SPINK4: variants seen among roughly 807,000 people sequenced by gnomAD.
The protein encoded by SPINK4 is serine protease inhibitor Kazal-type 4.
SPINK4 carries 10 observed loss-of-function variants against 12.3 expected under a neutral mutation model. The ratio of observed to expected loss-of-function variants is 0.81; its 90% CI spans 0.50 to 1.37. The LOEUF (loss-of-function observed/expected upper bound fraction) is 1.37, where lower values mean the gene tolerates loss of function less well. Among genes scored for constraint, SPINK4 ranks in the 40% most tolerant of loss-of-function variants. The pLI is 0.00. For synonymous variants in SPINK4, 37 were observed against 40.2 expected, an observed-to-expected ratio of 0.92 and a Z score of 0.30; for missense variants, 91 against 109.0, an observed-to-expected ratio of 0.84 and a Z score of 0.73.
intron 3 of SPINK4, chr9:33,248,177 AT>A: frequency 1.8e-6 from 1 of 541,004 alleles, no homozygotes. Context: ...CTGGAGACAG[AT>A]TTGGCAGCCA....
At chr9:33,243,309 G>A (rs901581146) in intron 1 of SPINK4, among the ~76,000 whole-genome samples, 1 of 152,122 alleles carries the variant, frequency 6.6e-6, no homozygotes, top group Non-Finnish European at 1.5e-5. Context: ...CTGACTTCAG[G>A]TGATCCACCT....
intron 1 of SPINK4, among the ~76,000 whole-genome samples, chr9:33,242,857 C>T (rs951769265): frequency 1.3e-5 from 2 of 149,894 alleles, no homozygotes; most frequent in East Asian, 3.9e-4. Context: ...ATCCCTGCCC[C>T]CATCCCAGTG....
intron 1 of SPINK4, among the ~76,000 whole-genome samples, chr9:33,241,949 G>A (rs1820239597): frequency 6.6e-6 from 1 of 151,734 alleles, no homozygotes; most frequent in Non-Finnish European, 1.5e-5. Context: ...GCACGATCTT[G>A]GCTCACTGCA....
intron 2 of SPINK4, 25 bp from the exon 3 acceptor site, chr9:33,246,591 C>T (rs1417087439): frequency 6.3e-7 from 1 of 1,596,698 alleles, no homozygotes; most frequent in South Asian, 1.1e-5. Flanking sequence ...ATCCCTGAGT[C>T]CTCTCCCTCC....
In SPINK4 at chr9:33,245,336, C is replaced by A. The variant is rs867295326; in HGVS notation, c.102+184C>A. On this transcript the variant is annotated intron_variant, in intron 2 of 3. Coordinates refer to ENST00000379721, the MANE Select transcript of SPINK4 (RefSeq NM_014471.3). ...AGCCCCCAAGGCTGAGTAGGCCCAG[C>A]CCCCTCACCCAAGTCCCAAGATTGG... 2.6e-5 allele frequency among the ~76,000 whole-genome samples: 4 copies of A among 152,302 alleles called. No homozygotes were observed. In the South Asian group the frequency reaches 8.3e-4, roughly 32 times the overall value.
Position 33,245,099 on chromosome 9 carries a change from C to A in SPINK4, c.62-13C>A. 1 of 1,613,450 alleles carries A rather than the reference C, an allele frequency of 6.2e-7. No homozygotes were observed. The highest frequency in any genetic ancestry group is 8.5e-7 in the Non-Finnish European group (1 of 1,179,682). ...AGCCGGCATAATCTAATTCTTGCTT[C>A]TTTGTGTTTCAGAAGTGCCAGTGGC... On this transcript the variant is annotated splice_polypyrimidine_tract_variant and intron_variant, in intron 1 of 3. Transcript: ENST00000379721.
At chr9:33,240,375 C>A (rs1820220901) in intron 1 of SPINK4, 106 bp downstream of exon 1, 1 of 971,596 alleles carries the variant, frequency 1.0e-6, no homozygotes, top group Non-Finnish European at 1.5e-6. Context: ...CAGCTTTTTC[C>A]ATGTACCTTC....
intron 1 of SPINK4, among the ~76,000 whole-genome samples, chr9:33,243,813 T>C (rs1399863709): frequency 6.6e-6 from 1 of 152,202 alleles, no homozygotes; most frequent in Non-Finnish European, 1.5e-5. Flanking sequence ...TCTAAGTTTC[T>C]GTTTCCCTCT....
At chr9:33,241,753 G>A (rs10283733) in intron 1 of SPINK4, among the ~76,000 whole-genome samples, 9,431 of 152,148 alleles carry the variant, frequency 0.062, 903 homozygotes, top group African/African-American at 0.21. Flanking sequence ...GGGCATTTTG[G>A]GTCAAGGTCA....
intron 2 of SPINK4, among the ~76,000 whole-genome samples, chr9:33,246,204 T>C (rs1239505750): frequency 1.3e-5 from 2 of 151,648 alleles, no homozygotes; most frequent in East Asian, 3.9e-4. Flanking sequence ...CTCCTGGGAA[T>C]GATGGGTGGT....
At chr9:33,244,074 A>G (rs1274447193) in intron 1 of SPINK4, among the ~76,000 whole-genome samples, 1 of 152,164 alleles carries the variant, frequency 6.6e-6, no homozygotes, top group East Asian at 1.9e-4. Context: ...ATAGCCCTTC[A>G]GAGACTTCAG....
chr9:33,248,346 G>T, intron 3 of SPINK4, 80 bp from the exon 4 acceptor site: 1 of 1,487,072 alleles, frequency 6.7e-7, no homozygotes, highest in Admixed American at 1.7e-5. Flanking sequence ...CAGGATGTCT[G>T]GATGGACTGT....
At chr9:33,248,320 T>A (rs1245534627) in intron 3 of SPINK4, 106 bp from the exon 4 acceptor site, 1 of 1,163,258 alleles carries the variant, frequency 8.6e-7, no homozygotes, top group Non-Finnish European at 1.3e-6. Context: ...ACACTGCATA[T>A]GTGGGCGACG....
chr9:33,246,619 A>G lies in SPINK4; in HGVS notation c.106A>G (p.Ile36Val), dbSNP rs1009117769. Reference protein sequence around the residue: ...AGKLPFSRMPICEHMVESPTC... With the variant: ...AGKLPFSRMPVCEHMVESPTC... ...CTCCCTCCCTTCTCTTCCACAGCCC[A>G]TCTGTGAACACATGGTAGAGTCTCC... Residue 36 changes from isoleucine to valine, a missense_variant, in exon 3 of 4, where the codon ATC becomes GTC. Ile to Val is a conservative substitution (Grantham distance 29). Transcript: ENST00000379721. 3 of 1,613,398 alleles carry G rather than the reference A, an allele frequency of 1.9e-6. No individual in the cohort carries two copies. Among genetic ancestry groups the G allele is most frequent in the Non-Finnish European group, 2.5e-6 (3 of 1,179,580 alleles).
intron 1 of SPINK4, among the ~76,000 whole-genome samples, chr9:33,242,064 G>A (rs1307383408): frequency 2.0e-5 from 3 of 152,098 alleles, no homozygotes; most frequent in African/African-American, 7.2e-5. Flanking sequence ...ATTTTTAGTA[G>A]AGACGGAGTT....
chr9:33,247,534 G>C (rs1262993479), intron 3 of SPINK4, among the ~76,000 whole-genome samples: 2 of 152,148 alleles, frequency 1.3e-5, no homozygotes, highest in Non-Finnish European at 2.9e-5. Context: ...TAGGAAAAAG[G>C]AGCAAGGGAA....
intron 3 of SPINK4, 41 bp downstream of exon 3, chr9:33,246,769 C>T: frequency 1.9e-6 from 3 of 1,566,310 alleles, no homozygotes; most frequent in East Asian, 4.5e-5. Flanking sequence ...GGGTGGGCCC[C>T]ATCTCTGGTG....
intron 1 of SPINK4, 89 bp downstream of exon 1, chr9:33,240,358 G>A: frequency 1.6e-6 from 2 of 1,220,914 alleles, no homozygotes; most frequent in Non-Finnish European, 2.2e-6. Flanking sequence ...AGCACCCTGT[G>A]AGGCCTCAGC....
intron 1 of SPINK4, among the ~76,000 whole-genome samples, chr9:33,243,307 A>C (rs1326117947): frequency 6.6e-6 from 1 of 152,128 alleles, no homozygotes; most frequent in African/African-American, 2.4e-5. Context: ...TCCTGACTTC[A>C]GGTGATCCAC....
Sources: allele counts gnomAD v4.1 joint callset (sites outside exome capture counted in the v4.1 genomes callset), GRCh38; gene constraint gnomAD v4.1.1; transcripts MANE v1.5; gene names NCBI Gene and HGNC (gene_info 2026-07-23, HGNC 2026-07-21).